PCDH11Y: variants seen among roughly 807,000 people sequenced by gnomAD.
PCDH11Y encodes protocadherin-11 Y-linked.
For synonymous variants in PCDH11Y, 9 were observed against 83.6 expected, an observed-to-expected ratio of 0.11 and a Z score of 4.87; for missense variants, 12 against 224.8, an observed-to-expected ratio of 0.05 and a Z score of 6.05.
chrY:5,690,448 C>CGGCTG (rs2053566894), intron 4 of PCDH11Y, among the ~76,000 whole-genome samples: 1 of 32,512 alleles, frequency 3.1e-5, no homozygotes, highest in African/African-American at 1.2e-4. Context: ...GAGCAATGTA[C>CGGCTG]GGCTGCTCTG....
At chrY:5,284,322 C>T in intron 2 of PCDH11Y, among the ~76,000 whole-genome samples, 3 of 32,007 alleles carry the variant, frequency 9.4e-5, no homozygotes, top group African/African-American at 2.4e-4. Flanking sequence ...GGAACAAAGC[C>T]GGGCTTTTGA....
chrY:5,202,977 G>A (rs2052928414), intron 2 of PCDH11Y, among the ~76,000 whole-genome samples: 1 of 32,681 alleles, frequency 3.1e-5, no homozygotes, highest in Non-Finnish European at 7.4e-5. Flanking sequence ...ACCATAATGT[G>A]TTTCAAGATT....
At chrY:5,321,070 T>C in intron 2 of PCDH11Y, among the ~76,000 whole-genome samples, 3 of 32,788 alleles carry the variant, frequency 9.1e-5, no homozygotes, top group Admixed American at 2.9e-4. Flanking sequence ...TATCATATTG[T>C]ATTTGTCCAT....
intron 4 of PCDH11Y, among the ~76,000 whole-genome samples, chrY:5,620,657 A>G: frequency 3.0e-5 from 1 of 32,962 alleles, no homozygotes. Flanking sequence ...AATCCTCAGT[A>G]AAATATTGGC....
intron 1 of PCDH11Y, among the ~76,000 whole-genome samples, chrY:5,031,524 A>C: frequency 3.0e-5 from 1 of 33,122 alleles, no homozygotes; most frequent in Non-Finnish European, 7.5e-5. Context: ...ATATGCATTA[A>C]ATGCTTTAAC....
At chrY:5,654,307 T>C in intron 4 of PCDH11Y, among the ~76,000 whole-genome samples, 2 of 33,716 alleles carry the variant, frequency 5.9e-5, no homozygotes, top group Non-Finnish European at 1.5e-4. Context: ...TCAACCACTG[T>C]GGAAAGTAGT....
At chrY:5,612,236 G>A (rs1453718624) in intron 4 of PCDH11Y, among the ~76,000 whole-genome samples, 9 of 33,522 alleles carry the variant, frequency 2.7e-4, no homozygotes, top group Non-Finnish European at 5.9e-4. Context: ...AATATTGTAT[G>A]ATTTTTCTAA....
At chrY:5,671,597 T>C (rs2124708430) in intron 4 of PCDH11Y, among the ~76,000 whole-genome samples, 1 of 32,638 alleles carries the variant, frequency 3.1e-5, no homozygotes, top group Admixed American at 2.8e-4. Context: ...TACTACTGCA[T>C]GTTAATTTTT....
chrY:5,580,612 A>T, intron 3 of PCDH11Y, among the ~76,000 whole-genome samples: 1 of 32,475 alleles, frequency 3.1e-5, no homozygotes, highest in Non-Finnish European at 7.7e-5. Flanking sequence ...AGCACTATTT[A>T]AAAAAAATTT....
At chrY:5,579,546 T>C in intron 3 of PCDH11Y, among the ~76,000 whole-genome samples, 1 of 32,698 alleles carries the variant, frequency 3.1e-5, no homozygotes, top group African/African-American at 1.2e-4. Context: ...CTAAAAACAA[T>C]CTTCTTGTTA....
At chrY:5,129,438 A>AACAC (rs753570084) in intron 2 of PCDH11Y, among the ~76,000 whole-genome samples, 6 of 18,912 alleles carry the variant, frequency 3.2e-4, no homozygotes, top group African/African-American at 1.3e-3. Flanking sequence ...CACCACCCTC[A>AACAC]ACACACACAC....
At position 5,689,580 on chromosome Y, in the gene PCDH11Y, C is replaced by T. The variant is rs1602960428; in HGVS notation, c.3353-47692C>T. Reference sequence around the variant, plus strand: ...TTTTGTTTAACATAAATTACTTGATCATATTAGTCTATTGAGCAACAGCTT... The same window carrying T: ...TTTTGTTTAACATAAATTACTTGATTATATTAGTCTATTGAGCAACAGCTT... On this transcript the variant is annotated intron_variant, in intron 4 of 4. Transcript: ENST00000400457. 1.2e-4 allele frequency among the ~76,000 whole-genome samples: 4 copies of T among 33,261 alleles called. No homozygotes were observed. The East Asian group carries it at 3.2e-3, about 26-fold the overall frequency. 89.2% of individuals were successfully genotyped at this position (33,261 alleles called of 37,273 possible).
At chrY:5,434,281 C>T in intron 2 of PCDH11Y, among the ~76,000 whole-genome samples, 3 of 32,722 alleles carry the variant, frequency 9.2e-5, no homozygotes, top group Admixed American at 2.8e-4. Flanking sequence ...TTGTCTCATA[C>T]GCTCACATTT....
intron 2 of PCDH11Y, among the ~76,000 whole-genome samples, chrY:5,423,606 A>G: frequency 3.0e-5 from 1 of 33,670 alleles, no homozygotes. Context: ...TTAAAAAATG[A>G]GGGAAATTCT....
At chrY:5,378,288 TACACAC>T in intron 2 of PCDH11Y, among the ~76,000 whole-genome samples, 42 of 23,292 alleles carry the variant, frequency 1.8e-3, no homozygotes, top group East Asian at 9.1e-3. Context: ...AATAAATAAA[TACACAC>T]ACACACACAC....
At chrY:5,555,208 G>T in intron 3 of PCDH11Y, among the ~76,000 whole-genome samples, 1 of 33,011 alleles carries the variant, frequency 3.0e-5, no homozygotes, top group African/African-American at 1.2e-4. Flanking sequence ...GGGGCCTGTA[G>T]CCTCTTTGTT....
chrY:5,145,558 T>A, intron 2 of PCDH11Y, among the ~76,000 whole-genome samples: 1 of 33,054 alleles, frequency 3.0e-5, no homozygotes, highest in Non-Finnish European at 7.5e-5. Context: ...AAAGAGTGTT[T>A]GTTCCTTAAT....
chrY:5,697,150 A>G (rs2053573047), intron 4 of PCDH11Y, among the ~76,000 whole-genome samples: 1 of 33,336 alleles, frequency 3.0e-5, no homozygotes, highest in Non-Finnish European at 7.4e-5. Flanking sequence ...AAGCCCTGAA[A>G]ATTTTTGTTA....
intron 2 of PCDH11Y, among the ~76,000 whole-genome samples, chrY:5,160,410 AAT>A (rs2052873743): frequency 3.4e-5 from 1 of 29,440 alleles, no homozygotes; most frequent in African/African-American, 1.3e-4. Flanking sequence ...AATAATTTTA[AAT>A]ATATGTTATT....
Sources: allele counts gnomAD v4.1 joint callset (sites outside exome capture counted in the v4.1 genomes callset), GRCh38; gene constraint gnomAD v4.1.1; transcripts MANE v1.5; gene names NCBI Gene and HGNC (gene_info 2026-07-23, HGNC 2026-07-21).